Variants in NF1 observed in about 807,000 individuals in gnomAD.
NF1 encodes neurofibromin 1.
Under a neutral mutation model 325.7 loss-of-function variants are expected in NF1, and 122 were observed. The ratio of observed to expected loss-of-function variants is 0.37; its 90% CI spans 0.32 to 0.44. The LOEUF (loss-of-function observed/expected upper bound fraction) is 0.44. Among genes scored for constraint, NF1 ranks in the 20% least tolerant of loss-of-function variants. NF1 has a pLI of 1.00. For missense variants in NF1, 2,140 were observed against 3,415.4 expected (o/e 0.63, Z 9.31); for synonymous variants, 1,091 against 1,186.0 (o/e 0.92, Z 1.65).
At chr17:31,299,458 T>C (rs868522868) in intron 36 of NF1, 9 of 152,070 alleles carry the variant, frequency 5.9e-5, no homozygotes, top group African/African-American at 2.2e-4. Context: ...TAGGCAACTT[T>C]TACATTCTAG....
At chr17:31,220,844 T>C (rs2905881) in intron 14 of NF1, among the ~76,000 whole-genome samples, 83,920 of 152,012 alleles carry the variant, frequency 0.55, 26,344 homozygotes, top group Middle Eastern at 0.76. Context: ...GCCAGTAAAT[T>C]GTACCACGTT....
At chr17:31,330,246 C>G (rs1327398129) in intron 38 of NF1, 50 bp from the exon 39 acceptor site, 1 of 1,566,212 alleles carries the variant, frequency 6.4e-7, no homozygotes, top group Admixed American at 1.7e-5. Context: ...AATTTTGGAA[C>G]TATAAGGAAA....
Position 31,120,742 on chromosome 17 carries a change from C to T in NF1, c.60+25373C>T, listed in dbSNP as rs186443576. Reference sequence around the variant, plus strand: ...ATTCAGTATGAGTATACCTATGTAACAAACCTGCACATTCTGCACATGTAT... The same window carrying T: ...ATTCAGTATGAGTATACCTATGTAATAAACCTGCACATTCTGCACATGTAT... On this transcript the variant is annotated intron_variant, in intron 1 of 57. Coordinates refer to ENST00000358273, the MANE Select transcript of NF1 (RefSeq NM_001042492.3). 1.0e-3 allele frequency among the ~76,000 whole-genome samples: 154 copies of T among 151,318 alleles called. 1 individual carries two copies. The highest frequency in any genetic ancestry group is 3.2e-3 in the African/African-American group (133 of 41,194).
chr17:31,284,770 G>A (rs1213832198), intron 36 of NF1, among the ~76,000 whole-genome samples: 1 of 152,102 alleles, frequency 6.6e-6, no homozygotes, highest in African/African-American at 2.4e-5. Context: ...CAGTTTAAGT[G>A]TATAATCCTC....
intron 4 of NF1, among the ~76,000 whole-genome samples, chr17:31,165,867 T>A (rs1027658949): frequency 6.6e-6 from 1 of 152,004 alleles, no homozygotes; most frequent in African/African-American, 2.4e-5. Context: ...TTTCTTTAAT[T>A]TTTTTGTAGA....
chr17:31,249,900 A>G (rs889218545), intron 30 of NF1: 5 of 479,770 alleles, frequency 1.0e-5, no homozygotes, highest in Admixed American at 9.4e-5. Flanking sequence ...AGGGGTGGAT[A>G]TAAGGGAAAT....
chr17:31,235,938 A>G lies in NF1; in HGVS notation c.3891A>G (p.Leu1297=), dbSNP rs753036396. 4 of 1,613,974 alleles carry G rather than the reference A, an allele frequency of 2.5e-6. No homozygotes were observed. Among genetic ancestry groups the G allele is most frequent in the Non-Finnish European group, 3.4e-6 (4 of 1,179,984 alleles). ...TGTAGGTATATGGTGCTACCTATCT[A>G]CAAAAACTCCTGGATCCTTTATTAC... ...FCFKVYGATY[L]QKLLDPLLRI... is the part of the protein sequence containing the mutation. Residue 1297 remains leucine (L), a synonymous_variant, in exon 29 of 58, where the codon CTA becomes CTG. Coordinates refer to ENST00000358273, the MANE Select transcript of NF1 (RefSeq NM_001042492.3).
intron 1 of NF1, among the ~76,000 whole-genome samples, chr17:31,141,113 CAT>C (rs1449952434): frequency 1.3e-5 from 2 of 152,120 alleles, no homozygotes; most frequent in African/African-American, 4.8e-5. Context: ...CACACACACA[CAT>C]AGTAACTATG....
chr17:31,334,542 C>T, intron 39 of NF1: 1 of 362,514 alleles, frequency 2.8e-6, no homozygotes, highest in South Asian at 2.8e-5. Flanking sequence ...TCTATGATTA[C>T]CACATTTCCT....
intron 36 of NF1, chr17:31,321,917 T>G (rs1318854053): frequency 6.6e-6 from 1 of 152,210 alleles, no homozygotes; most frequent in Non-Finnish European, 1.5e-5. Context: ...ATTTCAAATC[T>G]TCTCTAAAAG....
chr17:31,252,290 G>T, intron 30 of NF1: 1 of 207,858 alleles, frequency 4.8e-6, no homozygotes, highest in Non-Finnish European at 9.8e-6. Context: ...CCCAAATGTT[G>T]CAGAGCTTTT....
At chr17:31,349,098 T>A (rs1488107956) in intron 48 of NF1, 22 bp from the exon 49 acceptor site, 1 of 1,556,682 alleles carries the variant, frequency 6.4e-7, no homozygotes, top group South Asian at 1.2e-5. Context: ...TGTTTGTTTG[T>A]TTGTTTGTTT....
rs1555536038 is a variant in NF1, at chr17:31,349,233, A to G, written c.7303A>G (p.Ser2435Gly). 2 of 1,613,298 alleles carry G rather than the reference A, an allele frequency of 1.2e-6. No individual in the cohort carries two copies. Among genetic ancestry groups the G allele is most frequent in the Non-Finnish European group, 1.7e-6 (2 of 1,179,786 alleles). The stretch of plus-strand genomic sequence containing the variant: ...TGACAAATTTGAAGTGAATACACAG[A>G]GCGTGGCCTACTTAGCAGGTAAAAA... ...NCDKFEVNTQ[S>G]VAYLAALLTV... is the part of the protein sequence containing the mutation. The change falls in exon 49 of 58, where the codon AGC becomes GGC. Residue 2435 changes from serine to glycine, a missense_variant. Physicochemically the swap from Ser to Gly is moderately conservative, Grantham distance 56. Transcript: ENST00000358273.
chr17:31,282,381 C>CAA (rs35267324), intron 36 of NF1, among the ~76,000 whole-genome samples: 6 of 98,992 alleles, frequency 6.1e-5, no homozygotes, highest in Non-Finnish European at 6.7e-5. Flanking sequence ...GATTCCATCT[C>CAA]AAAAAAAAAA....
chr17:31,361,935 CT>C (rs1567629225), intron 57 of NF1, among the ~76,000 whole-genome samples: 1 of 152,092 alleles, frequency 6.6e-6, no homozygotes, highest in African/African-American at 2.4e-5. Flanking sequence ...ACAAGTAATC[CT>C]TTTTTCCCCC....
chr17:31,272,646 C>CT (rs1199456291), intron 36 of NF1: 1 of 152,180 alleles, frequency 6.6e-6, no homozygotes, highest in Non-Finnish European at 1.5e-5. Flanking sequence ...GGGATTCAGG[C>CT]TTGACGCAGG....
intron 38 of NF1, among the ~76,000 whole-genome samples, chr17:31,328,565 GT>G (rs1463380891): frequency 3.3e-5 from 5 of 152,076 alleles, no homozygotes; most frequent in African/African-American, 1.2e-4. Flanking sequence ...CTAGCAAATA[GT>G]TTATACTTAG....
intron 34 of NF1, among the ~76,000 whole-genome samples, chr17:31,260,798 T>TAA (rs1399337077): frequency 3.3e-5 from 5 of 152,208 alleles, no homozygotes; most frequent in Admixed American, 2.6e-4. Flanking sequence ...TGCAGATTGT[T>TAA]ATAGATCCAA....
At position 31,318,128 on chromosome 17, in the gene NF1, C is replaced by T. The variant is rs540613954; in HGVS notation, c.4836-7692C>T. On this transcript the variant is annotated intron_variant, in intron 36 of 57. Transcript: ENST00000358273. Reference sequence around the variant, plus strand: ...AATATTCAGTGTCAAAACAAAAGTACACAGTTTAAATAATTAAGCAGGCAT... The same window carrying T: ...AATATTCAGTGTCAAAACAAAAGTATACAGTTTAAATAATTAAGCAGGCAT... The T allele has an allele frequency of 1.1e-4, 76 of 705,110 alleles. No homozygotes were observed. In the South Asian group the frequency reaches 2.0e-3, roughly 18 times the overall value. 43.7% of individuals were successfully genotyped at this position (705,110 alleles called of 1,614,324 possible).
Sources: allele counts gnomAD v4.1 joint callset (sites outside exome capture counted in the v4.1 genomes callset), GRCh38; gene constraint gnomAD v4.1.1; transcripts MANE v1.5; gene names NCBI Gene and HGNC (gene_info 2026-07-23, HGNC 2026-07-21).